CYLC1: variants seen among roughly 807,000 people sequenced by gnomAD.
CYLC1 encodes cylicin-1.
A neutral mutation model predicts 31.6 loss-of-function variants in CYLC1; 2 were observed. The observed-to-expected ratio is 0.06, with a 90% confidence interval of 0.03 to 0.20. The LOEUF (loss-of-function observed/expected upper bound fraction) is 0.20, where lower values mean the gene tolerates loss of function less well. Among genes scored for constraint, CYLC1 ranks in the 10% least tolerant of loss-of-function variants. The probability of loss-of-function intolerance (pLI) is 1.00; values close to 1 mark genes in which losing one functional copy is unlikely to be tolerated. For missense variants in CYLC1, 595 were observed against 424.1 expected (o/e 1.40, Z -3.54); for synonymous variants, 185 against 153.0 (o/e 1.21, Z -1.54).
At chrX:83,886,448 G>T in intron 4 of CYLC1, 104 bp from the exon 5 acceptor site, 1 of 746,668 alleles carries the variant, frequency 1.3e-6, no homozygotes. Context: ...TTTCAACTAT[G>T]ACAGTCTGTG....
intron 4 of CYLC1, among the ~76,000 whole-genome samples, chrX:83,886,313 G>A (rs1478664298): frequency 9.0e-6 from 1 of 111,061 alleles, no homozygotes; most frequent in Admixed American, 9.6e-5. Context: ...AGATTATTCA[G>A]GGAGCTTGTT....
chrX:83,875,854 G>C (rs1295633465), intron 4 of CYLC1, among the ~76,000 whole-genome samples: 1 of 110,654 alleles, frequency 9.0e-6, no homozygotes, highest in Non-Finnish European at 1.9e-5. Context: ...GGTATTCATT[G>C]TTTATTCTAA....
intron 1 of CYLC1, among the ~76,000 whole-genome samples, chrX:83,866,225 A>G (rs1420148354): frequency 8.9e-6 from 1 of 111,992 alleles, no homozygotes; most frequent in Non-Finnish European, 1.9e-5. Context: ...TGGATAGAAT[A>G]ACAATCATAG....
intron 4 of CYLC1, among the ~76,000 whole-genome samples, chrX:83,878,157 A>T (rs1294286611): frequency 1.3e-4 from 6 of 44,844 alleles, no homozygotes; most frequent in African/African-American, 5.8e-4. Flanking sequence ...TTTGTATATA[A>T]ATATATATAT....
chrX:83,861,929 T>G (rs1018398923), intron 1 of CYLC1, among the ~76,000 whole-genome samples: 11 of 111,396 alleles, frequency 9.9e-5, no homozygotes, highest in South Asian at 3.7e-4. Context: ...TGGTACAACC[T>G]AATAAAAAAC....
rs1170295328 is a variant in CYLC1 at position 83,871,527 on chromosome X, C to A, written c.134C>A (p.Thr45Lys). The A allele has an allele frequency of 4.2e-6, 5 of 1,201,353 alleles. No individual in the cohort carries two copies. Among genetic ancestry groups the A allele is most frequent in the Non-Finnish European group, 5.6e-6 (5 of 890,534 alleles). The change falls in exon 3 of 5, where the codon ACA (threonine) becomes AAA (lysine). Residue 45 changes from threonine (T) to lysine (K), a missense_variant. Coordinates refer to ENST00000329312, the MANE Select transcript of CYLC1 (RefSeq NM_021118.3). ...LTFPKPLQRG[T>K]NDKSRPLKSQ... is the part of the protein sequence containing the mutation. Reference sequence around the variant, plus strand: ...TTTCCCAAACCACTCCAGAGAGGTACAAATGATAAATCAAGACCTTTGAAA... The same window carrying A: ...TTTCCCAAACCACTCCAGAGAGGTAAAAATGATAAATCAAGACCTTTGAAA...
At chrX:83,872,123 A>G (rs1185239613) in intron 3 of CYLC1, among the ~76,000 whole-genome samples, 4 of 111,027 alleles carry the variant, frequency 3.6e-5, no homozygotes, top group Non-Finnish European at 7.6e-5. Context: ...TCCAACTTTC[A>G]TGTTTCTCTT....
chrX:83,871,372 T>A (rs2031661593), intron 2 of CYLC1, 80 bp from the exon 3 acceptor site: 3 of 658,473 alleles, frequency 4.6e-6, no homozygotes, highest in African/African-American at 4.6e-5. Context: ...TTAAATAATA[T>A]GTTTCTTACT....
intron 3 of CYLC1, among the ~76,000 whole-genome samples, chrX:83,872,354 C>T (rs866615628): frequency 9.2e-6 from 1 of 108,568 alleles, no homozygotes; most frequent in South Asian, 3.9e-4. Context: ...GCCTTTGTTT[C>T]TTTTTTTTGT....
intron 2 of CYLC1, among the ~76,000 whole-genome samples, chrX:83,870,294 G>A (rs752803426): frequency 2.3e-4 from 26 of 111,309 alleles, no homozygotes; most frequent in Non-Finnish European, 4.2e-4. Context: ...TGCAACTTTA[G>A]GAACGTTTAC....
chrX:83,872,890 A>T lies in CYLC1; in HGVS notation c.182A>T (p.His61Leu). 2.6e-6 allele frequency: 3 copies of T among 1,150,389 alleles called. No homozygotes were observed. The highest frequency in any genetic ancestry group is 3.5e-6 in the Non-Finnish European group (3 of 865,503). 94.8% of individuals were successfully genotyped at this position (1,150,389 alleles called of 1,213,427 possible). A position where few individuals can be genotyped will look rare whatever the true frequency, so the allele number is the denominator to read the frequency against. Reference sequence around the variant, plus strand: ...TATTCTAACCAATCTTTTCAGAGACATGACAAAAGAAAACTAGAAGAAGGC... The same window carrying T: ...TATTCTAACCAATCTTTTCAGAGACTTGACAAAAGAAAACTAGAAGAAGGC... ...PLKSQITVTR[H>L]DKRKLEEGQK... Residue 61 changes from histidine to leucine, a missense_variant, in exon 4 of 5, where the codon CAT (histidine) becomes CTT (leucine). Physicochemically the swap from His to Leu is moderately conservative, Grantham distance 99. Transcript: ENST00000329312.
chrX:83,873,662 G>A lies in CYLC1; in HGVS notation c.954G>A (p.Lys318=), dbSNP rs2031710295. ...CAAAGAAAGTTAAGAAAAATGTCAAGAAAGATGACAAGAAAAAGGATGTAA... is the reference window on the plus strand; with the variant it reads ...CAAAGAAAGTTAAGAAAAATGTCAAAAAAGATGACAAGAAAAAGGATGTAA... ...KDSKKVKKNV[K]KDDKKKDVKK... Residue 318 remains lysine (K), a synonymous_variant, in exon 4 of 5, where the codon AAG becomes AAA. Coordinates refer to ENST00000329312, the MANE Select transcript of CYLC1 (RefSeq NM_021118.3). 8.3e-7 allele frequency: 1 copy of A among 1,200,142 alleles called. No homozygotes were observed. Among genetic ancestry groups the A allele is most frequent in the Non-Finnish European group, 1.1e-6 (1 of 891,083 alleles).
chrX:83,862,902 C>A (rs1602299038), intron 1 of CYLC1, among the ~76,000 whole-genome samples: 1 of 111,721 alleles, frequency 9.0e-6, no homozygotes. Context: ...CCTCTCCTAC[C>A]ACTGAACCCA....
intron 4 of CYLC1, among the ~76,000 whole-genome samples, chrX:83,881,988 G>A (rs1323939860): frequency 9.0e-6 from 1 of 110,627 alleles, no homozygotes; most frequent in Non-Finnish European, 1.9e-5. Flanking sequence ...GAGCCACCGC[G>A]CCTGGTCACC....
chrX:83,873,368 A>C lies in CYLC1; in HGVS notation c.660A>C (p.Pro220=). 1 of 1,203,967 alleles carries C rather than the reference A, an allele frequency of 8.3e-7. No individual in the cohort carries two copies. The highest frequency in any genetic ancestry group is 1.1e-6 in the Non-Finnish European group (1 of 889,870). ...AATTCCTACATACAAAGAACAATCC[A>C]AAGAAAGATTTGAAGAGGTCAAAGA... The part of the protein sequence containing the change: ...NTEFLHTKNN[P]KKDLKRSKTS... The change falls in exon 4 of 5, where the codon CCA becomes CCC. Residue 220 remains proline, a synonymous_variant. Transcript: ENST00000329312.
At position 83,871,347 on chromosome X, in the gene CYLC1, A is replaced by G. The variant is rs1024475551; in HGVS notation, c.59-105A>G. The G allele has an allele frequency of 2.8e-5, 14 of 503,693 alleles. No homozygotes were observed. The African/African-American group carries it at 3.6e-4, about 13-fold the overall frequency. The allele number at this position is 503,693 out of a possible 1,213,427, so 41.5% of individuals were successfully genotyped here. ...GAGGAAAAAATCTATATTTTAATGT[A>G]TAACTTAGTTTAATTTAAATAATAT... On this transcript the variant is annotated intron_variant, in intron 2 of 4. Transcript: ENST00000329312.
intron 4 of CYLC1, among the ~76,000 whole-genome samples, chrX:83,877,935 T>A (rs190079161): frequency 0.011 from 893 of 79,344 alleles, 37 homozygotes; most frequent in African/African-American, 0.04. Context: ...TAAATATAAA[T>A]ATATATATTT....
intron 4 of CYLC1, among the ~76,000 whole-genome samples, chrX:83,877,581 T>C (rs1375336585): frequency 1.8e-5 from 2 of 109,201 alleles, no homozygotes; most frequent in Non-Finnish European, 3.8e-5. Context: ...AGCCTTCTCA[T>C]GTGCTGTTTC....
intron 1 of CYLC1, among the ~76,000 whole-genome samples, chrX:83,866,330 T>A (rs975949485): frequency 8.9e-6 from 1 of 111,762 alleles, no homozygotes; most frequent in Non-Finnish European, 1.9e-5. Context: ...CTGTTAGATA[T>A]CAATGTCTGT....
Sources: allele counts gnomAD v4.1 joint callset (sites outside exome capture counted in the v4.1 genomes callset), GRCh38; gene constraint gnomAD v4.1.1; transcripts MANE v1.5; gene names NCBI Gene and HGNC (gene_info 2026-07-23, HGNC 2026-07-21).